The following FGF7 variants were observed in gnomAD, a reference collection of about 807,000 sequenced individuals.
The protein encoded by FGF7 is fibroblast growth factor 7.
Under a neutral mutation model 20.5 loss-of-function variants are expected in FGF7, and 6 were observed. The ratio of observed to expected loss-of-function variants is 0.29; its 90% confidence interval spans 0.16 to 0.58. The LOEUF (loss-of-function observed/expected upper bound fraction) is 0.58, where lower values mean the gene tolerates loss of function less well. Ranked by LOEUF, FGF7 falls within the 20% of genes least tolerant of loss-of-function variation. The probability of loss-of-function intolerance (pLI) is 0.90; values close to 1 mark genes in which losing one functional copy is unlikely to be tolerated. For synonymous variants in FGF7, 64 were observed against 74.7 expected (o/e 0.86, Z 0.74); for missense variants, 144 against 228.8 (o/e 0.63, Z 2.39).
intron 2 of FGF7, among the ~76,000 whole-genome samples, chr15:49,480,622 C>T (rs1358356101): frequency 6.6e-6 from 1 of 151,922 alleles, no homozygotes; most frequent in African/African-American, 2.4e-5. Flanking sequence ...GCTGGGATTA[C>T]AGGCACCCGC....
chr15:49,485,345 G>T lies in FGF7; in HGVS notation c.*841G>T, dbSNP rs1433065897. On this transcript the variant is annotated 3_prime_UTR_variant, in exon 4 of 4. Transcript: ENST00000267843. ...ATCTATCTTTGTATAATTCATATTT[G>T]GGAATATGGCTTTTAATAATGTTCT... is the stretch of plus-strand genomic sequence containing the variant. The T allele has an allele frequency of 6.6e-6, 1 of 151,928 alleles. No homozygotes were observed. The highest frequency in any genetic ancestry group is 1.5e-5 in the Non-Finnish European group (1 of 67,890). 9.4% of individuals were successfully genotyped at this position (151,928 alleles called of 1,614,324 possible). A position where few individuals can be genotyped will look rare whatever the true frequency, so the allele number is the denominator to read the frequency against.
intron 2 of FGF7, among the ~76,000 whole-genome samples, chr15:49,447,027 ACT>A (rs952853619): frequency 1.1e-4 from 17 of 151,638 alleles, no homozygotes; most frequent in African/African-American, 3.9e-4. Flanking sequence ...GGGTGCGGGA[ACT>A]CATCCTGAAT....
chr15:49,479,599 GTTTTTTTTTTTTTTTTT>G (rs56097665), intron 2 of FGF7, among the ~76,000 whole-genome samples: 1 of 63,292 alleles, frequency 1.6e-5, no homozygotes, highest in Non-Finnish European at 2.8e-5. Context: ...TAATACCTCT[GTTTTTTTTTTTTTTTTT>G]TTTTTTTTTT....
chr15:49,466,359 G>A (rs1403407011), intron 2 of FGF7, among the ~76,000 whole-genome samples: 5 of 152,156 alleles, frequency 3.3e-5, no homozygotes, highest in African/African-American at 1.2e-4. Context: ...AGGCAGAGCA[G>A]GTAGAGACTG....
intron 2 of FGF7, among the ~76,000 whole-genome samples, chr15:49,439,972 C>T (rs574935537): frequency 6.6e-6 from 1 of 151,736 alleles, no homozygotes; most frequent in Non-Finnish European, 1.5e-5. Context: ...ATATTGGGGA[C>T]AGGATTCAAA....
chr15:49,431,611 ATC>A (rs2050626900), intron 2 of FGF7, among the ~76,000 whole-genome samples: 1 of 151,732 alleles, frequency 6.6e-6, no homozygotes, highest in Non-Finnish European at 1.5e-5. Flanking sequence ...GAAGAAAGTA[ATC>A]TCTTCTACTG....
intron 2 of FGF7, among the ~76,000 whole-genome samples, chr15:49,476,163 C>T (rs531451844): frequency 6.6e-6 from 1 of 150,670 alleles, no homozygotes; most frequent in Non-Finnish European, 1.5e-5. Context: ...TCAAATCCTC[C>T]GTTGACCACT....
chr15:49,466,061 T>C lies in FGF7; in HGVS notation c.287-17090T>C, dbSNP rs747905754. Among the ~76,000 whole-genome samples, 9 of 152,326 alleles carry C rather than the reference T, an allele frequency of 5.9e-5. No individual in the cohort carries two copies. The South Asian group carries it at 8.3e-4, about 14-fold the overall frequency. On this transcript the variant is annotated intron_variant, in intron 2 of 3. Transcript: ENST00000267843. Reference sequence around the variant, plus strand: ...AACAATAGAGGTGGGTGCTAATTAATAGTACAGCAGTATGTTCTTAAAGTA... The same window carrying C: ...AACAATAGAGGTGGGTGCTAATTAACAGTACAGCAGTATGTTCTTAAAGTA...
At chr15:49,461,881 A>G (rs964122278) in intron 2 of FGF7, among the ~76,000 whole-genome samples, 50 of 152,220 alleles carry the variant, frequency 3.3e-4, no homozygotes, top group Non-Finnish European at 6.8e-4. Flanking sequence ...CATAGCTTTA[A>G]GACTGATTAT....
At chr15:49,472,106 A>C (rs2054835636) in intron 2 of FGF7, among the ~76,000 whole-genome samples, 1 of 152,016 alleles carries the variant, frequency 6.6e-6, no homozygotes, top group Admixed American at 6.5e-5. Flanking sequence ...CTGTTAGCTT[A>C]GAATAACTGA....
chr15:49,448,929 C>T (rs914353033), intron 2 of FGF7, among the ~76,000 whole-genome samples: 1 of 151,858 alleles, frequency 6.6e-6, no homozygotes, highest in Non-Finnish European at 1.5e-5. Flanking sequence ...ATTACTCCTG[C>T]TTCAGTTTAA....
At chr15:49,471,700 T>G (rs2054788255) in intron 2 of FGF7, among the ~76,000 whole-genome samples, 1 of 152,046 alleles carries the variant, frequency 6.6e-6, no homozygotes, top group Non-Finnish European at 1.5e-5. Context: ...CATCTCATGC[T>G]TTATGTAACA....
intron 3 of FGF7, among the ~76,000 whole-genome samples, chr15:49,483,560 G>T (rs28409376): frequency 0.18 from 27,949 of 151,738 alleles, 3,168 homozygotes; most frequent in Non-Finnish European, 0.25. Flanking sequence ...ATTTCCATTT[G>T]CCAGTATTAA....
At chr15:49,482,542 C>T (rs1290075806) in intron 2 of FGF7, among the ~76,000 whole-genome samples, 2 of 151,882 alleles carry the variant, frequency 1.3e-5, no homozygotes, top group Admixed American at 6.6e-5. Flanking sequence ...TCTTCACTTT[C>T]AGTATATTCA....
In FGF7 at chr15:49,485,378, A is replaced by G. The variant is rs936288646; in HGVS notation, c.*874A>G. The G allele has an allele frequency of 1.5e-4, 23 of 152,568 alleles. No homozygotes were observed. The highest frequency in any genetic ancestry group is 3.9e-4 in the Admixed American group (6 of 15,244). 9.5% of individuals were successfully genotyped at this position (152,568 alleles called of 1,614,324 possible). On this transcript the variant is annotated 3_prime_UTR_variant, in exon 4 of 4. Coordinates refer to ENST00000267843, the MANE Select transcript of FGF7 (RefSeq NM_002009.4). ...GGCTTTTAATAATGTTCTTCCCACA[A>G]ATAATCATGCTTTTTTCCTATGGTT...
intron 2 of FGF7, among the ~76,000 whole-genome samples, chr15:49,443,838 T>G (rs1395870893): frequency 2.0e-5 from 3 of 151,762 alleles, no homozygotes; most frequent in African/African-American, 7.2e-5. Flanking sequence ...ATTATTTATA[T>G]GCTTGTGTGC....
chr15:49,435,990 C>G (rs573698734), intron 2 of FGF7, among the ~76,000 whole-genome samples: 1 of 151,456 alleles, frequency 6.6e-6, no homozygotes, highest in South Asian at 2.1e-4. Context: ...GTACTTTATT[C>G]CATTCTGATT....
chr15:49,454,267 T>G (rs1229060370), intron 2 of FGF7, among the ~76,000 whole-genome samples: 1 of 152,180 alleles, frequency 6.6e-6, no homozygotes, highest in Non-Finnish European at 1.5e-5. Flanking sequence ...AGAAGTTTCA[T>G]AGGGGGCAGG....
At chr15:49,435,336 T>C (rs1330001435) in intron 2 of FGF7, among the ~76,000 whole-genome samples, 1 of 151,570 alleles carries the variant, frequency 6.6e-6, no homozygotes. Context: ...GACAAAATTA[T>C]GAAGGTTATC....
Sources: gnomAD v4.1 joint callset for allele counts (sites outside exome capture counted in the v4.1 genomes callset) on GRCh38, gnomAD v4.1.1 for gene constraint, MANE v1.5 for transcripts, NCBI Gene and HGNC (gene_info 2026-07-23, HGNC 2026-07-21) for gene names.